Variants in CRIM1 observed in about 807,000 individuals in gnomAD.
CRIM1 encodes the protein cysteine rich transmembrane BMP regulator 1.
In CRIM1, 32 loss-of-function variants were observed where a neutral mutation model predicts 116.4. The ratio of observed to expected loss-of-function variants is 0.27; its 90% CI spans 0.21 to 0.37. The LOEUF is 0.37. Among genes scored for constraint, CRIM1 ranks in the 10% least tolerant of loss-of-function variants. CRIM1 has a pLI of 1.00. For missense variants in CRIM1, 1,331 were observed against 1,354.8 expected (o/e 0.98, Z 0.28); for synonymous variants, 590 against 509.2 (o/e 1.16, Z -2.13).
In CRIM1 at chr2:36,412,852, A is replaced by G. The variant is rs193118724; in HGVS notation, c.505+16065A>G. Among the ~76,000 whole-genome samples the G allele has an allele frequency of 4.6e-3, 696 of 152,294 alleles. 2 individuals are homozygous for G. The highest frequency in any genetic ancestry group is 6.9e-3 in the Non-Finnish European group (470 of 68,024). On this transcript the variant is annotated intron_variant, in intron 2 of 16. Transcript: ENST00000280527. The stretch of plus-strand genomic sequence containing the variant: ...ATGAGCTGAGGTACTGTTGTTTTCT[A>G]TTACCAGAGAAGACATTTCAGATCT...
intron 7 of CRIM1, among the ~76,000 whole-genome samples, chr2:36,486,000 T>C (rs192736406): frequency 9.3e-4 from 141 of 152,342 alleles, no homozygotes; most frequent in African/African-American, 3.2e-3. Context: ...AATGACTGTT[T>C]CTTAACCTAG....
intron 5 of CRIM1, among the ~76,000 whole-genome samples, chr2:36,466,301 C>T (rs1185248447): frequency 2.0e-5 from 3 of 151,994 alleles, no homozygotes; most frequent in Non-Finnish European, 2.9e-5. Context: ...CTTATAAATA[C>T]AAGCATACAG....
At chr2:36,401,079 G>A (rs557225430) in intron 2 of CRIM1, among the ~76,000 whole-genome samples, 50 of 152,174 alleles carry the variant, frequency 3.3e-4, no homozygotes, top group African/African-American at 1.1e-3. Flanking sequence ...AATTCGAAAT[G>A]TTGCTATAAC....
In CRIM1 at chr2:36,389,111, GTGGAAA is replaced by G. The variant is rs139866385; in HGVS notation, c.332-7500_332-7495del. ...CATATGCTTAAAATTTTTTCACTTT[GTGGAAA>G]TGTCTGTAAAATACATTTTTGTAAC... On this transcript the variant is annotated intron_variant, in intron 1 of 16. Coordinates refer to ENST00000280527, the MANE Select transcript of CRIM1 (RefSeq NM_016441.3). Among the ~76,000 whole-genome samples the G allele has an allele frequency of 4.6e-3, 705 of 152,260 alleles. 8 individuals carry two copies. Among genetic ancestry groups the G allele is most frequent in the African/African-American group, 0.016 (682 of 41,538 alleles).
intron 1 of CRIM1, among the ~76,000 whole-genome samples, chr2:36,365,890 C>G (rs755164974): frequency 7.9e-5 from 12 of 152,144 alleles, no homozygotes; most frequent in Admixed American, 2.0e-4. Flanking sequence ...TGTGCCACCA[C>G]GCCCAACTAC....
Position 36,452,523 on chromosome 2 carries a change from C to T in CRIM1, c.869+9788C>T, listed in dbSNP as rs532611385. Among the ~76,000 whole-genome samples, 6 of 152,212 alleles carry T rather than the reference C, an allele frequency of 3.9e-5. No homozygotes were observed. The South Asian group carries it at 8.3e-4, about 21-fold the overall frequency. ...TTAAAACAAAATAATTGTAGGAATT[C>T]CATGTTATTATTGGACCTATCCCCA... On this transcript the variant is annotated intron_variant, in intron 4 of 16. Coordinates refer to ENST00000280527, the MANE Select transcript of CRIM1 (RefSeq NM_016441.3).
At chr2:36,415,292 T>C (rs1384634479) in intron 2 of CRIM1, among the ~76,000 whole-genome samples, 1 of 152,064 alleles carries the variant, frequency 6.6e-6, no homozygotes, top group Non-Finnish European at 1.5e-5. Flanking sequence ...GAGGCAGAAG[T>C]GATTCTGAGT....
intron 2 of CRIM1, among the ~76,000 whole-genome samples, chr2:36,408,488 G>C (rs1005644151): frequency 6.6e-6 from 1 of 152,282 alleles, no homozygotes; most frequent in Admixed American, 6.5e-5. Context: ...TGGAATCCCA[G>C]CCCGGGAGGC....
intron 7 of CRIM1, among the ~76,000 whole-genome samples, chr2:36,484,695 C>T (rs1189607024): frequency 6.6e-6 from 1 of 152,172 alleles, no homozygotes; most frequent in Admixed American, 6.5e-5. Context: ...TTCTTCAGGC[C>T]TCCTTAGGTG....
chr2:36,455,600 A>G (rs1006297027), intron 4 of CRIM1, among the ~76,000 whole-genome samples: 12 of 152,184 alleles, frequency 7.9e-5, no homozygotes, highest in Non-Finnish European at 1.3e-4. Flanking sequence ...GAAGGTTTGC[A>G]TGAGAGAGGA....
At chr2:36,412,988 G>C (rs1673324127) in intron 2 of CRIM1, among the ~76,000 whole-genome samples, 1 of 152,136 alleles carries the variant, frequency 6.6e-6, no homozygotes, top group African/African-American at 2.4e-5. Context: ...CAGGAAAAAG[G>C]TTATAAAATT....
At chr2:36,536,848 A>G (rs969410609) in intron 13 of CRIM1, among the ~76,000 whole-genome samples, 1 of 152,142 alleles carries the variant, frequency 6.6e-6, no homozygotes, top group Non-Finnish European at 1.5e-5. Context: ...TTAAAGTAGA[A>G]ATGTCCTTGT....
At chr2:36,546,854 T>C in intron 15 of CRIM1, 130 bp from the exon 16 acceptor site, 1 of 480,738 alleles carries the variant, frequency 2.1e-6, no homozygotes, top group Non-Finnish European at 3.7e-6. Flanking sequence ...TAGATTTTAA[T>C]CACATTTTTA....
At chr2:36,465,471 T>C (rs917597924) in intron 5 of CRIM1, among the ~76,000 whole-genome samples, 1 of 152,218 alleles carries the variant, frequency 6.6e-6, no homozygotes, top group African/African-American at 2.4e-5. Flanking sequence ...TTTGGACAAA[T>C]ACAACAAAAT....
chr2:36,512,823 A>C (rs1014598845), intron 10 of CRIM1, among the ~76,000 whole-genome samples: 3 of 152,206 alleles, frequency 2.0e-5, no homozygotes, highest in Admixed American at 1.3e-4. Context: ...GTTTTCCATG[A>C]GAATTTAGCC....
chr2:36,458,405 A>G (rs190438543), intron 4 of CRIM1, among the ~76,000 whole-genome samples: 10 of 152,242 alleles, frequency 6.6e-5, no homozygotes, highest in South Asian at 2.1e-4. Context: ...CCTGTAGGTT[A>G]TCTTCCTTTA....
intron 2 of CRIM1, among the ~76,000 whole-genome samples, chr2:36,416,733 C>G (rs1673649413): frequency 1.3e-5 from 2 of 152,208 alleles, no homozygotes; most frequent in Admixed American, 1.3e-4. Flanking sequence ...GGAAGAAACC[C>G]TGGCACAGTT....
chr2:36,544,284 C>CT, intron 14 of CRIM1, 92 bp from the exon 15 acceptor site: 1 of 1,152,768 alleles, frequency 8.7e-7, no homozygotes, highest in Non-Finnish European at 1.1e-6. Context: ...GAAATGTGGT[C>CT]TTGAATTGAG....
intron 11 of CRIM1, among the ~76,000 whole-genome samples, chr2:36,515,260 T>G (rs1425797139): frequency 1.3e-5 from 2 of 152,224 alleles, no homozygotes; most frequent in African/African-American, 4.8e-5. Flanking sequence ...GAATGGATAA[T>G]TGACCTGAGA....
Sources: allele counts gnomAD v4.1 joint callset (sites outside exome capture counted in the v4.1 genomes callset), GRCh38; gene constraint gnomAD v4.1.1; transcripts MANE v1.5; gene names NCBI Gene and HGNC (gene_info 2026-07-23, HGNC 2026-07-21).